PSMA1: variants seen among roughly 807,000 people sequenced by gnomAD.
PSMA1 encodes the protein proteasome subunit alpha type-1.
PSMA1 carries 3 observed loss-of-function variants against 38.4 expected under a neutral mutation model. The ratio of observed to expected loss-of-function variants is 0.08; its 90% CI spans 0.04 to 0.20. The LOEUF is 0.20. Among genes scored for constraint, PSMA1 ranks in the 10% least tolerant of loss-of-function variants. The pLI is 1.00. For missense variants in PSMA1, 227 were observed against 325.3 expected, an observed-to-expected ratio of 0.70 and a Z score of 2.32; for synonymous variants, 101 against 107.1, an observed-to-expected ratio of 0.94 and a Z score of 0.35.
chr11:14,562,836 T>C (rs887765634), intron 2 of PSMA1, among the ~76,000 whole-genome samples: 1 of 152,096 alleles, frequency 6.6e-6, no homozygotes, highest in Non-Finnish European at 1.5e-5. Flanking sequence ...CCTCCCAAAG[T>C]GCTGGGATTA....
intron 2 of PSMA1, among the ~76,000 whole-genome samples, chr11:14,584,514 T>TTG (rs1852320385): frequency 6.7e-6 from 1 of 149,398 alleles, no homozygotes; most frequent in Non-Finnish European, 1.5e-5. Flanking sequence ...TTTGTTTTTT[T>TTG]TTTTTTTTTT....
Position 14,505,060 on chromosome 11 carries a change from T to C in PSMA1, c.*132A>G. The C allele has an allele frequency of 2.4e-6, 2 of 843,778 alleles. No homozygotes were observed. Among genetic ancestry groups the C allele is most frequent in the South Asian group, 2.8e-5 (2 of 72,180 alleles). The allele number at this position is 843,778 out of a possible 1,614,324, so 52.3% of individuals were successfully genotyped here. ...TGAGGTTGCTTGGAAAAAACTCACA[T>C]CTGGACTGATTCCTAAAACATAGCA... is the stretch of plus-strand genomic sequence containing the variant. On this transcript the variant is annotated 3_prime_UTR_variant, in exon 10 of 10. Coordinates refer to ENST00000396394, the MANE Select transcript of PSMA1 (RefSeq NM_002786.4).
intron 2 of PSMA1, among the ~76,000 whole-genome samples, chr11:14,553,212 G>A (rs1321673882): frequency 1.3e-5 from 2 of 151,954 alleles, no homozygotes; most frequent in African/African-American, 4.8e-5. Flanking sequence ...GTACAGGGAC[G>A]TTCTGTGTAC....
At chr11:14,530,411 C>G (rs1416900553) in intron 2 of PSMA1, among the ~76,000 whole-genome samples, 1 of 152,162 alleles carries the variant, frequency 6.6e-6, no homozygotes, top group African/African-American at 2.4e-5. Context: ...TGGCATTTTA[C>G]TTTCTTGGAG....
chr11:14,630,304 T>C (rs1180594712), intron 1 of PSMA1, among the ~76,000 whole-genome samples: 1 of 152,214 alleles, frequency 6.6e-6, no homozygotes. Flanking sequence ...TGTGGGTTTC[T>C]CATAGATAGC....
At chr11:14,601,487 T>C (rs1202876782) in intron 2 of PSMA1, among the ~76,000 whole-genome samples, 1 of 152,156 alleles carries the variant, frequency 6.6e-6, no homozygotes, top group African/African-American at 2.4e-5. Flanking sequence ...CATTATTGCC[T>C]GAAAGCCTCT....
intron 2 of PSMA1, among the ~76,000 whole-genome samples, chr11:14,586,663 C>G (rs560297628): frequency 6.6e-6 from 1 of 152,288 alleles, no homozygotes; most frequent in East Asian, 1.9e-4. Flanking sequence ...CTTCTTTTCA[C>G]CCATAGAAAG....
chr11:14,517,987 G>T lies in PSMA1; in HGVS notation c.49-6C>A, dbSNP rs1368075419. The T allele has an allele frequency of 3.0e-6, 4 of 1,348,410 alleles. No homozygotes were observed. Among genetic ancestry groups the T allele is most frequent in the African/African-American group, 1.7e-5 (1 of 60,044 alleles). The allele number at this position is 1,348,410 out of a possible 1,614,324, so 83.5% of individuals were successfully genotyped here. A position where few individuals can be genotyped will look rare whatever the true frequency, so the allele number is the denominator to read the frequency against. On this transcript the variant is annotated splice_region_variant and splice_polypyrimidine_tract_variant and intron_variant, in intron 2 of 9. Transcript: ENST00000396394. ...TCAATTTGATGAATCCTGCCCTAAA[G>T]AAAAAAAAAACAAAAAACACACATC... is the stretch of plus-strand genomic sequence containing the variant.
intron 2 of PSMA1, among the ~76,000 whole-genome samples, chr11:14,566,127 C>T (rs1371419577): frequency 6.6e-6 from 1 of 152,098 alleles, no homozygotes; most frequent in African/African-American, 2.4e-5. Context: ...GGTAATGGGG[C>T]TAGGGCTTTG....
chr11:14,619,394 G>C (rs902097776), intron 1 of PSMA1, among the ~76,000 whole-genome samples: 1 of 152,062 alleles, frequency 6.6e-6, no homozygotes, highest in Non-Finnish European at 1.5e-5. Context: ...AGTTGAGATA[G>C]TGCCACTGAA....
chr11:14,518,340 C>T (rs896085845), intron 2 of PSMA1, among the ~76,000 whole-genome samples: 3 of 152,202 alleles, frequency 2.0e-5, no homozygotes, highest in Non-Finnish European at 1.5e-5. Context: ...CTCAAGCAAT[C>T]TACCTTCCTT....
At chr11:14,592,388 A>C (rs1377634376) in intron 2 of PSMA1, among the ~76,000 whole-genome samples, 72 of 143,820 alleles carry the variant, frequency 5.0e-4, no homozygotes, top group African/African-American at 1.7e-3. Context: ...ATATATATAT[A>C]TATATATTTT....
At chr11:14,569,344 G>C (rs1164656902) in intron 2 of PSMA1, among the ~76,000 whole-genome samples, 1 of 152,212 alleles carries the variant, frequency 6.6e-6, no homozygotes, top group South Asian at 2.1e-4. Context: ...GAGGTACCAG[G>C]TTCATCCACT....
chr11:14,584,695 T>C (rs1301280323), intron 2 of PSMA1, among the ~76,000 whole-genome samples: 2 of 152,178 alleles, frequency 1.3e-5, no homozygotes, highest in Non-Finnish European at 2.9e-5. Context: ...TGCATTCCTC[T>C]GGCTCCTGAA....
chr11:14,586,269 T>C (rs1852344154), intron 2 of PSMA1, among the ~76,000 whole-genome samples: 1 of 151,934 alleles, frequency 6.6e-6, no homozygotes, highest in Non-Finnish European at 1.5e-5. Flanking sequence ...CCATCTCTAC[T>C]AAAAATACAA....
chr11:14,624,643 C>A (rs143273479), intron 1 of PSMA1, among the ~76,000 whole-genome samples: 12 of 152,302 alleles, frequency 7.9e-5, no homozygotes, highest in African/African-American at 9.6e-5. Flanking sequence ...GTCCAGAGAC[C>A]TGCAGGCAAG....
At chr11:14,517,335 G>C (rs1395385064) in intron 4 of PSMA1, among the ~76,000 whole-genome samples, 1 of 152,160 alleles carries the variant, frequency 6.6e-6, no homozygotes, top group Non-Finnish European at 1.5e-5. Flanking sequence ...CTTGTCCTTA[G>C]AAACCAGACA....
chr11:14,605,155 C>T (rs532513075), intron 2 of PSMA1, among the ~76,000 whole-genome samples: 49 of 152,256 alleles, frequency 3.2e-4, no homozygotes, highest in African/African-American at 1.1e-3. Context: ...TGAACTAATT[C>T]GCATTCCCAT....
chr11:14,518,014 TAGA>T (rs1851463377), intron 2 of PSMA1, 33 bp from the exon 3 acceptor site: 9 of 1,413,792 alleles, frequency 6.4e-6, no homozygotes, highest in Middle Eastern at 1.8e-4. Flanking sequence ...ACACACATCT[TAGA>T]AGATCTTTTA....
Sources: gnomAD v4.1 joint callset for allele counts (sites outside exome capture counted in the v4.1 genomes callset) on GRCh38, gnomAD v4.1.1 for gene constraint, MANE v1.5 for transcripts, NCBI Gene and HGNC (gene_info 2026-07-23, HGNC 2026-07-21) for gene names.